Variants in TTC39C observed in about 807,000 individuals in gnomAD.
The protein encoded by TTC39C is tetratricopeptide repeat protein 39C.
Under a neutral mutation model 76.3 loss-of-function variants are expected in TTC39C, and 33 were observed. The ratio of observed to expected loss-of-function variants is 0.43; its 90% CI spans 0.33 to 0.58. The LOEUF is 0.58. Ranked by LOEUF, TTC39C falls within the 20% of genes least tolerant of loss-of-function variation. The probability of loss-of-function intolerance (pLI) is 0.04; values close to 1 mark genes in which losing one functional copy is unlikely to be tolerated. For synonymous variants in TTC39C, 254 were observed against 260.6 expected, an observed-to-expected ratio of 0.97 and a Z score of 0.24; for missense variants, 595 against 701.4, an observed-to-expected ratio of 0.85 and a Z score of 1.71.
At chr18:24,101,305 T>TTAA (rs1438403403) in intron 6 of TTC39C, among the ~76,000 whole-genome samples, 10 of 139,456 alleles carry the variant, frequency 7.2e-5, no homozygotes, top group Non-Finnish European at 1.4e-4. Flanking sequence ...TAATTTTTCA[T>TTAA]AAAAAAAAAA....
chr18:24,132,351 A>C, intron 13 of TTC39C, 134 bp from the exon 14 acceptor site: 2 of 639,158 alleles, frequency 3.1e-6, no homozygotes, highest in Non-Finnish European at 5.2e-6. Context: ...ATGAAAATCA[A>C]GTGGATGGGA....
chr18:24,122,223 A>G (rs1316679203), intron 8 of TTC39C, among the ~76,000 whole-genome samples: 10 of 152,084 alleles, frequency 6.6e-5, no homozygotes, highest in Non-Finnish European at 1.0e-4. Context: ...TGCTCAGGTA[A>G]CGAAGGGGGA....
chr18:24,034,609 A>T (rs890339933), intron 1 of TTC39C, among the ~76,000 whole-genome samples: 1 of 149,796 alleles, frequency 6.7e-6, no homozygotes, highest in Non-Finnish European at 1.5e-5. Context: ...TTCCAAATGG[A>T]AACTTTGTAC....
chr18:24,014,738 T>G (rs2083427362), upstream of TTC39C: 1 of 1,131,432 alleles, frequency 8.8e-7, no homozygotes, highest in Non-Finnish European at 1.1e-6. Flanking sequence ...TTCCCTCCCG[T>G]CTTCTCCCCT....
chr18:24,019,869 T>C, intron 1 of TTC39C: 2 of 1,527,890 alleles, frequency 1.3e-6, no homozygotes, highest in Non-Finnish European at 1.7e-6. Context: ...GAAAAAGTTT[T>C]TTGACTTCTG....
chr18:24,050,005 C>T (rs2083928728), intron 1 of TTC39C, among the ~76,000 whole-genome samples: 1 of 152,094 alleles, frequency 6.6e-6, no homozygotes, highest in East Asian at 1.9e-4. Context: ...GACCGTTTTC[C>T]TTGGCCTTCA....
intron 1 of TTC39C, among the ~76,000 whole-genome samples, chr18:24,047,471 A>C (rs1161035200): frequency 6.6e-6 from 1 of 152,166 alleles, no homozygotes; most frequent in Non-Finnish European, 1.5e-5. Flanking sequence ...CAGTTATTCA[A>C]CTTTAATGTG....
At chr18:24,118,004 T>A in intron 7 of TTC39C, 121 bp from the exon 8 acceptor site, 1 of 664,588 alleles carries the variant, frequency 1.5e-6, no homozygotes, top group Non-Finnish European at 2.4e-6. Flanking sequence ...AGGTTAAACT[T>A]TTTTACGCAT....
chr18:24,118,098 C>G, intron 7 of TTC39C, 27 bp from the exon 8 acceptor site: 1 of 1,587,464 alleles, frequency 6.3e-7, no homozygotes, highest in Non-Finnish European at 8.6e-7. Context: ...ACTTTAGGGT[C>G]ATGTGCTAAA....
intron 1 of TTC39C, among the ~76,000 whole-genome samples, chr18:24,021,984 G>A (rs1419096409): frequency 6.6e-6 from 1 of 152,160 alleles, no homozygotes; most frequent in African/African-American, 2.4e-5. Flanking sequence ...CTCAAACAGA[G>A]TCACTTTAAC....
intron 1 of TTC39C, among the ~76,000 whole-genome samples, chr18:24,030,520 G>A (rs1432525936): frequency 1.3e-5 from 2 of 152,122 alleles, no homozygotes; most frequent in Admixed American, 1.3e-4. Context: ...TTGCTTAAAT[G>A]CCTGCACAGA....
In TTC39C at chr18:24,134,001, T is replaced by A. The variant is rs2085166007; in HGVS notation, c.*1427T>A. 6.5e-6 allele frequency: 1 copy of A among 153,364 alleles called. No individual in the cohort carries two copies. The highest frequency in any genetic ancestry group is 6.5e-5 in the Admixed American group (1 of 15,288). 9.5% of individuals were successfully genotyped at this position (153,364 alleles called of 1,614,324 possible). A position where few individuals can be genotyped will look rare whatever the true frequency, so the allele number is the denominator to read the frequency against. ...ATTTGACCTTGTTTTGAGGGAATAGTCATAATTTCTTTGAAAGAAGTTATT... is the reference window on the plus strand; with the variant it reads ...ATTTGACCTTGTTTTGAGGGAATAGACATAATTTCTTTGAAAGAAGTTATT... On this transcript the variant is annotated 3_prime_UTR_variant, in exon 14 of 14. Transcript: ENST00000317571.
chr18:24,031,727 T>C (rs2083673806), intron 1 of TTC39C, among the ~76,000 whole-genome samples: 1 of 152,198 alleles, frequency 6.6e-6, no homozygotes, highest in South Asian at 2.1e-4. Context: ...TCAACATTAA[T>C]GTCTTGATTG....
chr18:24,129,212 C>A (rs1048722198), intron 11 of TTC39C, among the ~76,000 whole-genome samples: 2 of 152,112 alleles, frequency 1.3e-5, no homozygotes, highest in Non-Finnish European at 2.9e-5. Flanking sequence ...ATATGGCCTC[C>A]TTTTCTGGCA....
chr18:24,047,907 G>C (rs1434020052), intron 1 of TTC39C, among the ~76,000 whole-genome samples: 4 of 152,036 alleles, frequency 2.6e-5, no homozygotes, highest in African/African-American at 9.7e-5. Context: ...AACATTTTGT[G>C]TGCCCCATAA....
chr18:24,132,451 CAG>C, intron 13 of TTC39C, 32 bp from the exon 14 acceptor site: 1 of 1,594,174 alleles, frequency 6.3e-7, no homozygotes, highest in African/African-American at 1.3e-5. Flanking sequence ...GCTTAGCTAA[CAG>C]AGTGCATAAA....
intron 7 of TTC39C, among the ~76,000 whole-genome samples, chr18:24,117,192 G>A (rs575517734): frequency 6.6e-6 from 1 of 152,232 alleles, no homozygotes; most frequent in African/African-American, 2.4e-5. Context: ...GCTTACCACA[G>A]CATTGGCACA....
intron 6 of TTC39C, among the ~76,000 whole-genome samples, chr18:24,105,062 GAAA>G (rs962709159): frequency 6.9e-6 from 1 of 144,420 alleles, no homozygotes; most frequent in Non-Finnish European, 1.5e-5. Flanking sequence ...TTCAAAAAAA[GAAA>G]AAAAAAACCC....
At chr18:24,035,272 A>G (rs1402943625) in intron 1 of TTC39C, among the ~76,000 whole-genome samples, 1 of 152,170 alleles carries the variant, frequency 6.6e-6, no homozygotes, top group African/African-American at 2.4e-5. Context: ...TGCTGGGCTC[A>G]AGGGATCCTC....
Sources: gnomAD v4.1 joint callset for allele counts (sites outside exome capture counted in the v4.1 genomes callset) on GRCh38, gnomAD v4.1.1 for gene constraint, MANE v1.5 for transcripts, NCBI Gene and HGNC (gene_info 2026-07-23, HGNC 2026-07-21) for gene names.